Variants in SCAPER observed in about 807,000 individuals in gnomAD.
SCAPER encodes the protein S phase cyclin A-associated protein in the endoplasmic reticulum.
SCAPER carries 98 observed loss-of-function variants against 182.2 expected under a neutral mutation model. The observed-to-expected ratio is 0.54, with a 90% CI of 0.46 to 0.64. The LOEUF (loss-of-function observed/expected upper bound fraction) is 0.64, where lower values mean the gene tolerates loss of function less well. Ranked by LOEUF, SCAPER falls within the 30% of genes least tolerant of loss-of-function variation. The probability of loss-of-function intolerance (pLI) is 0.00; values close to 1 mark genes in which losing one functional copy is unlikely to be tolerated. For synonymous variants in SCAPER, 605 were observed against 564.6 expected, an observed-to-expected ratio of 1.07 and a Z score of -1.01; for missense variants, 1,432 against 1,690.0, an observed-to-expected ratio of 0.85 and a Z score of 2.68.
chr15:76,502,467 C>G lies in SCAPER; in HGVS notation c.2954+2392G>C, dbSNP rs544947343. Among the ~76,000 whole-genome samples the G allele has an allele frequency of 2.8e-3, 424 of 150,118 alleles. 4 individuals are homozygous for G. Among genetic ancestry groups the G allele is most frequent in the Non-Finnish European group, 4.8e-3 (326 of 67,742 alleles). On this transcript the variant is annotated intron_variant, in intron 24 of 31. Coordinates refer to ENST00000563290, the MANE Select transcript of SCAPER (RefSeq NM_020843.4). The stretch of plus-strand genomic sequence containing the variant: ...AACCATCATTCTCAGCAAACTATCG[C>G]AAGGATAGAAAACCAAACACCACAT...
At chr15:76,866,498 C>CA (rs1411248487) in intron 2 of SCAPER, among the ~76,000 whole-genome samples, 1 of 152,138 alleles carries the variant, frequency 6.6e-6, no homozygotes, top group East Asian at 1.9e-4. Context: ...TACACAGACA[C>CA]ACATTCAAAG....
intron 10 of SCAPER, 42 bp from the exon 11 acceptor site, chr15:76,767,130 CTT>C: frequency 2.0e-6 from 3 of 1,488,948 alleles, no homozygotes. Context: ...AAAATGATCA[CTT>C]GACTGGAAAG....
At chr15:76,792,045 A>G (rs1024233550) in intron 8 of SCAPER, among the ~76,000 whole-genome samples, 1 of 151,136 alleles carries the variant, frequency 6.6e-6, no homozygotes, top group Non-Finnish European at 1.5e-5. Flanking sequence ...AAAAAAAAAA[A>G]CCAATAATTT....
intron 23 of SCAPER, among the ~76,000 whole-genome samples, chr15:76,537,946 C>A (rs1429982354): frequency 6.6e-6 from 1 of 151,494 alleles, no homozygotes. Context: ...ATTTATGCAG[C>A]CAAAAGACAC....
intron 26 of SCAPER, among the ~76,000 whole-genome samples, chr15:76,405,926 A>G (rs2083251312): frequency 6.6e-6 from 1 of 152,182 alleles, no homozygotes; most frequent in African/African-American, 2.4e-5. Context: ...AGCCATTCCA[A>G]GTTTACTATG....
At chr15:76,633,608 A>C (rs1192985143) in intron 21 of SCAPER, among the ~76,000 whole-genome samples, 1 of 152,160 alleles carries the variant, frequency 6.6e-6, no homozygotes, top group African/African-American at 2.4e-5. Context: ...TTCTGTCCAT[A>C]AACACCTGGC....
chr15:76,652,560 CAT>C lies in SCAPER; in HGVS notation c.2645+13091_2645+13092del, dbSNP rs201283263. On this transcript the variant is annotated intron_variant, in intron 21 of 31. Coordinates refer to ENST00000563290, the MANE Select transcript of SCAPER (RefSeq NM_020843.4). Reference sequence around the variant, plus strand: ...ACACACACACACACACACACACACACATTAGCCGGGTGTGGTGGCAGGTGCCT... The same window carrying C: ...ACACACACACACACACACACACACACTAGCCGGGTGTGGTGGCAGGTGCCT... 6.8e-3 allele frequency among the ~76,000 whole-genome samples: 917 copies of C among 134,726 alleles called. 13 individuals carry two copies. Among genetic ancestry groups the C allele is most frequent in the African/African-American group, 0.021 (772 of 35,976 alleles). The allele number at this position is 134,726 out of a possible 152,430, so 88.4% of individuals were successfully genotyped here.
chr15:76,762,628 C>T (rs551035752), intron 14 of SCAPER, among the ~76,000 whole-genome samples: 1 of 152,038 alleles, frequency 6.6e-6, no homozygotes, highest in African/African-American at 2.4e-5. Flanking sequence ...ACCCTTAATA[C>T]CTTTTTGTCT....
intron 21 of SCAPER, among the ~76,000 whole-genome samples, chr15:76,654,219 G>A (rs928634688): frequency 1.3e-5 from 2 of 152,120 alleles, no homozygotes; most frequent in Admixed American, 6.5e-5. Context: ...TGGCTAACAC[G>A]GTAAAACTCT....
chr15:76,587,631 T>C (rs1164748922), intron 22 of SCAPER, among the ~76,000 whole-genome samples: 2 of 152,230 alleles, frequency 1.3e-5, no homozygotes, highest in Non-Finnish European at 2.9e-5. Context: ...TTTATTCCAC[T>C]GTGGTCTGAC....
chr15:76,366,158 A>T (rs1308876217), intron 29 of SCAPER, among the ~76,000 whole-genome samples: 1 of 152,130 alleles, frequency 6.6e-6, no homozygotes, highest in Non-Finnish European at 1.5e-5. Context: ...GACTAACGGG[A>T]TATGTGCATG....
intron 14 of SCAPER, among the ~76,000 whole-genome samples, chr15:76,755,951 A>G (rs1038645888): frequency 3.9e-5 from 6 of 152,162 alleles, no homozygotes; most frequent in African/African-American, 1.4e-4. Context: ...CCTGACTGAT[A>G]GCTTAACTAA....
intron 17 of SCAPER, among the ~76,000 whole-genome samples, chr15:76,713,405 C>T (rs280003): frequency 0.97 from 147,092 of 151,728 alleles, 71,451 homozygotes; most frequent in South Asian, 1. Flanking sequence ...ATAGACTGGA[C>T]TAAGAAAATG....
At chr15:76,509,505 C>A (rs1323063406) in intron 23 of SCAPER, among the ~76,000 whole-genome samples, 1 of 152,126 alleles carries the variant, frequency 6.6e-6, no homozygotes, top group African/African-American at 2.4e-5. Flanking sequence ...GAATAAAAGC[C>A]AATTTTTTGT....
At chr15:76,589,147 G>C (rs140730118) in intron 22 of SCAPER, among the ~76,000 whole-genome samples, 154 of 152,206 alleles carry the variant, frequency 1.0e-3, no homozygotes, top group African/African-American at 3.6e-3. Context: ...ACTCTGTGAG[G>C]GTCCTTAGTT....
chr15:76,849,654 C>T (rs1421776158), intron 4 of SCAPER, among the ~76,000 whole-genome samples: 2 of 152,196 alleles, frequency 1.3e-5, no homozygotes, highest in Non-Finnish European at 2.9e-5. Context: ...GAGGAAACCA[C>T]ACGACCAAGG....
At chr15:76,844,269 AG>A (rs1340491361) in intron 4 of SCAPER, among the ~76,000 whole-genome samples, 4 of 98,574 alleles carry the variant, frequency 4.1e-5, no homozygotes, top group South Asian at 6.1e-4. Flanking sequence ...AGACAGAAAG[AG>A]GAAAAAAAAA....
At chr15:76,542,524 C>T (rs896164153) in intron 23 of SCAPER, among the ~76,000 whole-genome samples, 1 of 150,246 alleles carries the variant, frequency 6.7e-6, no homozygotes, top group Admixed American at 6.6e-5. Context: ...ACTCCATCTC[C>T]ATCTCAAAAA....
At chr15:76,423,914 G>A (rs2046233918) in intron 26 of SCAPER, among the ~76,000 whole-genome samples, 1 of 152,066 alleles carries the variant, frequency 6.6e-6, no homozygotes, top group African/African-American at 2.4e-5. Flanking sequence ...TTCAGTTTCT[G>A]TGTAGTTGAG....
Sources: allele counts gnomAD v4.1 joint callset (sites outside exome capture counted in the v4.1 genomes callset), GRCh38; gene constraint gnomAD v4.1.1; transcripts MANE v1.5; gene names NCBI Gene and HGNC (gene_info 2026-07-23, HGNC 2026-07-21).